Variants in NFATC1 observed in about 807,000 individuals in gnomAD.
NFATC1 encodes nuclear factor of activated T cells 1.
Under a neutral mutation model 76.0 loss-of-function variants are expected in NFATC1, and 22 were observed. The observed-to-expected ratio is 0.29, with a 90% CI of 0.21 to 0.41. NFATC1 has a LOEUF of 0.41. NFATC1 is among the 10% of genes least tolerant of loss of function. NFATC1 has a pLI of 1.00. For missense variants in NFATC1, 1,357 were observed against 1,337.7 expected (o/e 1.01, Z -0.23); for synonymous variants, 704 against 613.1 (o/e 1.15, Z -2.19).
At chr18:79,526,187 G>C (rs972929311) in intron 9 of NFATC1, among the ~76,000 whole-genome samples, 1 of 152,240 alleles carries the variant, frequency 6.6e-6, no homozygotes, top group Admixed American at 6.5e-5. Context: ...CAGGTCCTGC[G>C]TGCCAGTCCG....
intron 7 of NFATC1, among the ~76,000 whole-genome samples, chr18:79,467,248 G>A (rs1201000700): frequency 1.3e-5 from 2 of 150,052 alleles, no homozygotes; most frequent in Admixed American, 6.5e-5. Flanking sequence ...CTTCTGGACC[G>A]CCCAGGTGGC....
intron 9 of NFATC1, among the ~76,000 whole-genome samples, chr18:79,489,800 C>T (rs1389838002): frequency 6.6e-6 from 1 of 152,230 alleles, no homozygotes; most frequent in East Asian, 1.9e-4. Context: ...GCACACTGTT[C>T]TGGTCACAGT....
chr18:79,398,104 G>A (rs1244908809), intron 1 of NFATC1, among the ~76,000 whole-genome samples: 2 of 152,130 alleles, frequency 1.3e-5, no homozygotes, highest in Non-Finnish European at 2.9e-5. Flanking sequence ...GAGGACCTGG[G>A]CGCCTCCCCT....
At chr18:79,458,239 GA>G (rs1172925612) in intron 6 of NFATC1, among the ~76,000 whole-genome samples, 1 of 151,662 alleles carries the variant, frequency 6.6e-6, no homozygotes, top group East Asian at 1.9e-4. Flanking sequence ...GGGGATGGAT[GA>G]GACGCCCCAG....
chr18:79,447,299 C>G (rs1299158614), intron 3 of NFATC1, among the ~76,000 whole-genome samples: 1 of 152,252 alleles, frequency 6.6e-6, no homozygotes, highest in Non-Finnish European at 1.5e-5. Flanking sequence ...CCCGCCTTCT[C>G]CCTCGCCTCG....
intron 3 of NFATC1, among the ~76,000 whole-genome samples, chr18:79,439,765 A>C (rs1026728474): frequency 2.0e-4 from 31 of 152,144 alleles, no homozygotes; most frequent in African/African-American, 7.2e-4. Context: ...ACGAGGATTC[A>C]CCATTTATTT....
intron 2 of NFATC1, among the ~76,000 whole-genome samples, chr18:79,420,594 C>T (rs1293827680): frequency 1.3e-5 from 2 of 150,498 alleles, no homozygotes; most frequent in South Asian, 2.1e-4. Flanking sequence ...GAGGGGGATG[C>T]GTTTCCGGGA....
At chr18:79,516,908 A>G (rs1405732289) in intron 9 of NFATC1, among the ~76,000 whole-genome samples, 1 of 152,220 alleles carries the variant, frequency 6.6e-6, no homozygotes, top group Non-Finnish European at 1.5e-5. Context: ...AGAGCCATAC[A>G]AGTCTAAATG....
intron 9 of NFATC1, among the ~76,000 whole-genome samples, chr18:79,503,175 T>G (rs760387004): frequency 1.3e-5 from 2 of 152,206 alleles, no homozygotes; most frequent in Non-Finnish European, 2.9e-5. Context: ...CAGGTGAACC[T>G]GGAAACCCTC....
intron 1 of NFATC1, among the ~76,000 whole-genome samples, chr18:79,401,247 T>C: frequency 6.6e-6 from 1 of 151,050 alleles, no homozygotes; most frequent in South Asian, 2.1e-4. Context: ...TCTCAAGGCC[T>C]CGTGTCTGCC....
At chr18:79,434,912 C>T (rs529943929) in intron 3 of NFATC1, among the ~76,000 whole-genome samples, 12 of 152,312 alleles carry the variant, frequency 7.9e-5, no homozygotes, top group African/African-American at 2.6e-4. Context: ...GTACCTCCCT[C>T]GTTGGTGCTT....
intron 9 of NFATC1, among the ~76,000 whole-genome samples, chr18:79,515,134 C>G (rs1334726900): frequency 6.6e-6 from 1 of 151,874 alleles, no homozygotes; most frequent in Admixed American, 6.6e-5. Context: ...CACTGTAGCT[C>G]GGGAGTTTGA....
intron 2 of NFATC1, among the ~76,000 whole-genome samples, chr18:79,412,309 G>C (rs1005045256): frequency 6.6e-6 from 1 of 152,248 alleles, no homozygotes; most frequent in Non-Finnish European, 1.5e-5. Flanking sequence ...GCATGAAAAC[G>C]TCCGTGCAGG....
Position 79,433,544 on chromosome 18 carries a change from G to A in NFATC1, c.1227-35G>A, listed in dbSNP as rs755755745. 1.9e-5 allele frequency: 30 copies of A among 1,611,896 alleles called. No homozygotes were observed. The South Asian group carries it at 2.0e-4, about 11-fold the overall frequency. ...GTGTGGCCCGGGCGAGGTCTGTGTG[G>A]TGCTGAACGCCTCCTCTGCTCTGTT... On this transcript the variant is annotated intron_variant, in intron 2 of 9. Coordinates refer to ENST00000427363, the MANE Select transcript of NFATC1 (RefSeq NM_001278669.2).
chr18:79,525,632 C>G (rs1291631970), intron 9 of NFATC1, among the ~76,000 whole-genome samples: 1 of 152,220 alleles, frequency 6.6e-6, no homozygotes, highest in East Asian at 1.9e-4. Context: ...GTGTCCCCAC[C>G]TTTCCCCTGT....
At chr18:79,471,225 T>C (rs2088774281) in intron 8 of NFATC1, among the ~76,000 whole-genome samples, 1 of 152,114 alleles carries the variant, frequency 6.6e-6, no homozygotes, top group Admixed American at 6.5e-5. Flanking sequence ...GAGAGGTTAT[T>C]CCAGCACGTC....
In NFATC1 at chr18:79,527,984, A is replaced by G. The variant is rs1601033140; in HGVS notation, c.*407A>G. 2 of 409,706 alleles carry G rather than the reference A, an allele frequency of 4.9e-6. No homozygotes were observed. Among genetic ancestry groups the G allele is most frequent in the Non-Finnish European group, 4.3e-6 (1 of 231,870 alleles). 25.4% of individuals were successfully genotyped at this position (409,706 alleles called of 1,614,324 possible). On this transcript the variant is annotated 3_prime_UTR_variant, in exon 10 of 10. Transcript: ENST00000427363. Reference sequence around the variant, plus strand: ...CATAGAATTGAGCATTGAATTTGCTACTGTAGGAGTATTTTTAGGAGCAGA... The same window carrying G: ...CATAGAATTGAGCATTGAATTTGCTGCTGTAGGAGTATTTTTAGGAGCAGA...
chr18:79,520,777 G>C (rs2090517821), intron 9 of NFATC1, among the ~76,000 whole-genome samples: 1 of 82,582 alleles, frequency 1.2e-5, no homozygotes, highest in Non-Finnish European at 2.3e-5. Flanking sequence ...CCACTGATGT[G>C]TGTGTGTGTG....
intron 2 of NFATC1, among the ~76,000 whole-genome samples, chr18:79,416,402 TG>T (rs2085876972): frequency 6.6e-6 from 1 of 152,134 alleles, no homozygotes; most frequent in Admixed American, 6.5e-5. Flanking sequence ...CCGGCAGTGT[TG>T]GGGGAACAGT....
Sources: allele counts gnomAD v4.1 joint callset (sites outside exome capture counted in the v4.1 genomes callset), GRCh38; gene constraint gnomAD v4.1.1; transcripts MANE v1.5; gene names NCBI Gene and HGNC (gene_info 2026-07-23, HGNC 2026-07-21).